The following ANO10 variants were observed in gnomAD, a reference collection of about 807,000 sequenced individuals.
ANO10 encodes the protein anoctamin 10.
In ANO10, 77 loss-of-function variants were observed where a neutral mutation model predicts 74.7. That is an observed-to-expected ratio of 1.03 (90% confidence interval 0.86 to 1.25). ANO10 has a LOEUF of 1.25. ANO10 is among the 50% of genes most tolerant of loss of function. The probability of loss-of-function intolerance (pLI) is 0.00; values close to 1 mark genes in which losing one functional copy is unlikely to be tolerated. For missense variants in ANO10, 721 were observed against 778.1 expected (o/e 0.93, Z 0.87); for synonymous variants, 279 against 284.9 (o/e 0.98, Z 0.21).
intron 12 of ANO10, among the ~76,000 whole-genome samples, chr3:43,369,003 G>A (rs1345072927): frequency 6.6e-6 from 1 of 152,236 alleles, no homozygotes; most frequent in Non-Finnish European, 1.5e-5. Context: ...AGCCCCGTGA[G>A]GTCAGGCACA....
intron 12 of ANO10, among the ~76,000 whole-genome samples, chr3:43,370,557 GT>G (rs1216100538): frequency 6.7e-6 from 1 of 149,798 alleles, no homozygotes; most frequent in Admixed American, 6.7e-5. Context: ...TGGAGGGTGG[GT>G]GGGGTGGGAG....
At chr3:43,436,584 G>T (rs879767831) in intron 11 of ANO10, among the ~76,000 whole-genome samples, 1 of 152,110 alleles carries the variant, frequency 6.6e-6, no homozygotes, top group East Asian at 1.9e-4. Context: ...TGATTATAGG[G>T]TGTCTGAGTT....
chr3:43,378,435 G>A (rs756006347), intron 12 of ANO10, among the ~76,000 whole-genome samples: 4 of 152,172 alleles, frequency 2.6e-5, no homozygotes, highest in African/African-American at 4.8e-5. Flanking sequence ...ACTGCAGACC[G>A]CAGAGAAAGT....
intron 11 of ANO10, among the ~76,000 whole-genome samples, chr3:43,461,417 A>C (rs1208908579): frequency 5.3e-5 from 8 of 152,186 alleles, no homozygotes; most frequent in Admixed American, 1.3e-4. Flanking sequence ...AAAGTATATA[A>C]AACATTTAAG....
At chr3:43,451,504 C>T (rs2074871427) in intron 11 of ANO10, among the ~76,000 whole-genome samples, 1 of 152,008 alleles carries the variant, frequency 6.6e-6, no homozygotes, top group Non-Finnish European at 1.5e-5. Context: ...CACTAGTCTC[C>T]ATCTCAGAGT....
chr3:43,489,597 A>T (rs1306936687), intron 11 of ANO10, among the ~76,000 whole-genome samples: 4 of 152,170 alleles, frequency 2.6e-5, no homozygotes, highest in Non-Finnish European at 5.9e-5. Context: ...CACAAGGGGC[A>T]CAAGAGGATG....
At chr3:43,629,216 G>A (rs2083522406) in intron 1 of ANO10, among the ~76,000 whole-genome samples, 1 of 152,116 alleles carries the variant, frequency 6.6e-6, no homozygotes, top group African/African-American at 2.4e-5. Context: ...TGTGACTATC[G>A]GGGCAGGTTC....
chr3:43,666,993 T>C (rs1397062289), intron 1 of ANO10, among the ~76,000 whole-genome samples: 5 of 152,034 alleles, frequency 3.3e-5, no homozygotes, highest in African/African-American at 7.3e-5. Context: ...GTGAAATTTA[T>C]TGAAGGGAAC....
upstream of ANO10, among the ~76,000 whole-genome samples, chr3:43,625,959 G>A (rs2083487527): frequency 6.6e-6 from 1 of 150,624 alleles, no homozygotes; most frequent in Admixed American, 6.6e-5. Context: ...TTTTTTAACG[G>A]GTCTAGCTCT....
chr3:43,510,759 T>C (rs2077479357), intron 11 of ANO10, among the ~76,000 whole-genome samples: 2 of 152,144 alleles, frequency 1.3e-5, no homozygotes, highest in South Asian at 2.1e-4. Context: ...GTGAGTGAGC[T>C]TGGCAGCCAA....
chr3:43,677,649 C>T (rs1182572926), intron 1 of ANO10, among the ~76,000 whole-genome samples: 2 of 152,190 alleles, frequency 1.3e-5, no homozygotes, highest in Non-Finnish European at 2.9e-5. Context: ...ATTCACTCAG[C>T]TGCATTCAGG....
intron 10 of ANO10, chr3:43,551,567 C>T (rs1467596048): frequency 2.2e-6 from 1 of 457,038 alleles, no homozygotes; most frequent in South Asian, 1.5e-5. Context: ...CTCTTTACAC[C>T]TGTGTCCAAA....
At chr3:43,600,289 C>G (rs1334374910) in intron 3 of ANO10, 95 bp downstream of exon 3, 1 of 1,388,536 alleles carries the variant, frequency 7.2e-7, no homozygotes, top group African/African-American at 1.4e-5. Flanking sequence ...CTATTTGACC[C>G]TTTACTGAAA....
At chr3:43,591,111 T>C (rs564945739) in intron 4 of ANO10, among the ~76,000 whole-genome samples, 6 of 152,282 alleles carry the variant, frequency 3.9e-5, no homozygotes, top group Admixed American at 2.6e-4. Context: ...GTAGCTCTGT[T>C]TTCACTCTAT....
chr3:43,470,630 G>GTATT (rs869141014), intron 11 of ANO10, among the ~76,000 whole-genome samples: 52 of 129,642 alleles, frequency 4.0e-4, no homozygotes, highest in African/African-American at 1.8e-3. Flanking sequence ...ATTTATTTAT[G>GTATT]TATTTATTTA....
chr3:43,513,822 T>A (rs187668662), intron 11 of ANO10, among the ~76,000 whole-genome samples: 1 of 152,076 alleles, frequency 6.6e-6, no homozygotes, highest in East Asian at 1.9e-4. Flanking sequence ...CACACTTCTA[T>A]GATTTAAAAG....
intron 11 of ANO10, among the ~76,000 whole-genome samples, chr3:43,439,759 T>C (rs922892388): frequency 2.0e-5 from 3 of 152,022 alleles, no homozygotes; most frequent in Non-Finnish European, 4.4e-5. Context: ...CCCATGCCTA[T>C]AGTTCAAGCT....
intron 11 of ANO10, among the ~76,000 whole-genome samples, chr3:43,488,323 T>A (rs2076580521): frequency 6.7e-6 from 1 of 150,220 alleles, no homozygotes; most frequent in Admixed American, 6.6e-5. Context: ...ACAAATGGGA[T>A]CTAATTAAAC....
intron 11 of ANO10, among the ~76,000 whole-genome samples, chr3:43,474,562 C>T (rs952219940): frequency 6.6e-6 from 1 of 152,124 alleles, no homozygotes; most frequent in African/African-American, 2.4e-5. Context: ...TATTTTAAAA[C>T]AGCTCTTTGA....
Sources: allele counts gnomAD v4.1 joint callset (sites outside exome capture counted in the v4.1 genomes callset), GRCh38; gene constraint gnomAD v4.1.1; transcripts MANE v1.5; gene names NCBI Gene and HGNC (gene_info 2026-07-23, HGNC 2026-07-21).